The following FRMD4A variants were observed in gnomAD, a reference collection of about 807,000 sequenced individuals.
The protein encoded by FRMD4A is FERM domain-containing protein 4A.
In FRMD4A, 29 loss-of-function variants were observed where a neutral mutation model predicts 129.1. That is an observed-to-expected ratio of 0.22 (90% CI 0.17 to 0.31). The LOEUF (loss-of-function observed/expected upper bound fraction) is 0.31, where lower values mean the gene tolerates loss of function less well. Ranked by LOEUF, FRMD4A falls within the 10% of genes least tolerant of loss-of-function variation. FRMD4A has a pLI of 1.00. For synonymous variants in FRMD4A, 634 were observed against 571.6 expected (o/e 1.11, Z -1.56); for missense variants, 1,272 against 1,375.8 (o/e 0.92, Z 1.19).
At chr10:13,694,252 T>C (rs767029779) in intron 14 of FRMD4A, among the ~76,000 whole-genome samples, 8 of 152,220 alleles carry the variant, frequency 5.3e-5, no homozygotes, top group Admixed American at 1.3e-4. Context: ...GCTGCATCAA[T>C]TGAGGATGTT....
intron 6 of FRMD4A, among the ~76,000 whole-genome samples, chr10:13,767,088 C>T (rs192178135): frequency 2.1e-4 from 32 of 152,048 alleles, no homozygotes; most frequent in Admixed American, 5.2e-4. Flanking sequence ...CAAAACGAAA[C>T]GAAACAAAAC....
Position 13,663,528 on chromosome 10 carries a change from A to G in FRMD4A, c.1604-19T>C. On this transcript the variant is annotated intron_variant, in intron 18 of 24. Coordinates refer to ENST00000357447, the MANE Select transcript of FRMD4A (RefSeq NM_018027.5). Reference sequence around the variant, plus strand: ...TTTCCATCTGAGAAGACAAAAAGCAATAGCCTATGAGTTCAGCACATTCCT... The same window carrying G: ...TTTCCATCTGAGAAGACAAAAAGCAGTAGCCTATGAGTTCAGCACATTCCT... 2 of 1,343,880 alleles carry G rather than the reference A, an allele frequency of 1.5e-6. No homozygotes were observed. The highest frequency in any genetic ancestry group is 2.1e-6 in the Non-Finnish European group (2 of 932,924). The allele number at this position is 1,343,880 out of a possible 1,614,324, so 83.2% of individuals were successfully genotyped here.
intron 2 of FRMD4A, among the ~76,000 whole-genome samples, chr10:13,989,447 C>T (rs959722527): frequency 6.6e-5 from 10 of 152,052 alleles, no homozygotes; most frequent in African/African-American, 2.4e-4. Context: ...CTTCCGCCTC[C>T]CGGGTTCAAG....
At chr10:13,740,433 G>C in intron 10 of FRMD4A, 79 bp downstream of exon 10, 1 of 950,292 alleles carries the variant, frequency 1.1e-6, no homozygotes, top group Non-Finnish European at 1.7e-6. Flanking sequence ...TCTTTGGAGA[G>C]GAACTGAACA....
intron 15 of FRMD4A, among the ~76,000 whole-genome samples, chr10:13,683,556 C>T (rs2084805073): frequency 6.6e-6 from 1 of 151,948 alleles, no homozygotes; most frequent in Non-Finnish European, 1.5e-5. Flanking sequence ...ATGCTCACAC[C>T]ACTGCGCTCC....
rs920958399 is a variant in FRMD4A, at chr10:13,884,838, G to C, written c.46-25926C>G. On this transcript the variant is annotated intron_variant, in intron 2 of 24. Transcript: ENST00000357447. ...TTATCTGCAGAACCCTTTCTGGAAG[G>C]CTAGGTGACACTTGTGAAATATCAG... is the stretch of plus-strand genomic sequence containing the variant. Among the ~76,000 whole-genome samples the C allele has an allele frequency of 4.5e-4, 68 of 152,188 alleles. 1 individual carries two copies. The highest frequency in any genetic ancestry group is 1.4e-3 in the African/African-American group (56 of 41,444).
chr10:14,229,508 G>C (rs1843563534), intron 2 of FRMD4A, among the ~76,000 whole-genome samples: 1 of 152,094 alleles, frequency 6.6e-6, no homozygotes, highest in Non-Finnish European at 1.5e-5. Flanking sequence ...AGCAATTGTA[G>C]CTCACTGCAG....
chr10:14,192,505 A>T (rs1207760605), intron 2 of FRMD4A, among the ~76,000 whole-genome samples: 1 of 152,208 alleles, frequency 6.6e-6, no homozygotes, highest in Non-Finnish European at 1.5e-5. Flanking sequence ...ATTCCTCCAC[A>T]TTCCTTTTAT....
At chr10:13,894,800 A>C (rs564242156) in intron 2 of FRMD4A, among the ~76,000 whole-genome samples, 1 of 151,962 alleles carries the variant, frequency 6.6e-6, no homozygotes. Flanking sequence ...CATCCTGTTT[A>C]TTTTTTTCTT....
intron 24 of FRMD4A, among the ~76,000 whole-genome samples, chr10:13,650,544 T>C (rs1354077874): frequency 6.6e-6 from 1 of 152,224 alleles, no homozygotes; most frequent in East Asian, 1.9e-4. Flanking sequence ...CTTTAGCAGA[T>C]GATCGCCCTC....
chr10:14,210,686 A>G (rs999924270), intron 2 of FRMD4A, among the ~76,000 whole-genome samples: 1 of 152,108 alleles, frequency 6.6e-6, no homozygotes, highest in Non-Finnish European at 1.5e-5. Flanking sequence ...GCACTGTATC[A>G]TGTGGGCCTT....
intron 2 of FRMD4A, among the ~76,000 whole-genome samples, chr10:14,052,168 A>G (rs947652471): frequency 6.6e-6 from 1 of 152,126 alleles, no homozygotes; most frequent in Admixed American, 6.6e-5. Flanking sequence ...AGGGGCATGG[A>G]ACACACTCTC....
chr10:14,237,061 T>TG (rs1304123952), intron 2 of FRMD4A, among the ~76,000 whole-genome samples: 1 of 146,514 alleles, frequency 6.8e-6, no homozygotes, highest in African/African-American at 2.6e-5. Flanking sequence ...TTGATAGAGA[T>TG]GGGGTCTTGC....
intron 3 of FRMD4A, among the ~76,000 whole-genome samples, chr10:13,814,358 A>G (rs1302652602): frequency 6.6e-6 from 1 of 151,032 alleles, no homozygotes; most frequent in Non-Finnish European, 1.5e-5. Flanking sequence ...TGGGAGGCTG[A>G]GGCAGGAGGA....
chr10:14,069,719 T>C (rs995517814), intron 2 of FRMD4A, among the ~76,000 whole-genome samples: 1 of 152,214 alleles, frequency 6.6e-6, no homozygotes, highest in Non-Finnish European at 1.5e-5. Context: ...TATTATATGA[T>C]ACTGTTAATG....
chr10:13,654,279 T>C, intron 23 of FRMD4A, 137 bp downstream of exon 23: 1 of 696,794 alleles, frequency 1.4e-6, no homozygotes, highest in Non-Finnish European at 2.6e-6. Flanking sequence ...ATCATGGGGC[T>C]TCTCTTGAAA....
chr10:14,018,455 C>CAAAAAA (rs71388151), intron 2 of FRMD4A, among the ~76,000 whole-genome samples: 15 of 59,256 alleles, frequency 2.5e-4, no homozygotes, highest in Admixed American at 7.6e-4. Context: ...GACTCCATCT[C>CAAAAAA]AAAAAAAAAA....
chr10:13,973,668 G>A (rs2095529654), intron 2 of FRMD4A, among the ~76,000 whole-genome samples: 1 of 151,056 alleles, frequency 6.6e-6, no homozygotes, highest in South Asian at 2.1e-4. Flanking sequence ...TCACCAGAAA[G>A]TTTTATCTAA....
intron 2 of FRMD4A, among the ~76,000 whole-genome samples, chr10:14,311,165 C>T (rs1355465073): frequency 6.6e-6 from 1 of 152,126 alleles, no homozygotes; most frequent in South Asian, 2.1e-4. Context: ...CCTTTGTGGT[C>T]CCACACTTGG....
Sources: gnomAD v4.1 joint callset for allele counts (sites outside exome capture counted in the v4.1 genomes callset) on GRCh38, gnomAD v4.1.1 for gene constraint, MANE v1.5 for transcripts, NCBI Gene and HGNC (gene_info 2026-07-23, HGNC 2026-07-21) for gene names.